Variants in HIVEP1 observed in about 807,000 individuals in gnomAD.
HIVEP1 encodes the protein HIVEP zinc finger 1.
Under a neutral mutation model 180.0 loss-of-function variants are expected in HIVEP1, and 36 were observed. That is an observed-to-expected ratio of 0.20 (90% confidence interval 0.15 to 0.26). The LOEUF (loss-of-function observed/expected upper bound fraction) is 0.26. Among genes scored for constraint, HIVEP1 ranks in the 10% least tolerant of loss-of-function variants. The pLI, the probability that HIVEP1 is intolerant of heterozygous loss-of-function variation, is 1.00. For missense variants in HIVEP1, 3,143 were observed against 3,268.7 expected (o/e 0.96, Z 0.94); for synonymous variants, 1,239 against 1,239.0 (o/e 1.00, Z 0.00).
At chr6:12,053,072 T>C (rs1770639551) in intron 2 of HIVEP1, among the ~76,000 whole-genome samples, 1 of 152,240 alleles carries the variant, frequency 6.6e-6, no homozygotes, top group Non-Finnish European at 1.5e-5. Flanking sequence ...GCTATAATTT[T>C]CTTCAAGATC....
chr6:12,153,655 T>A (rs13209918), intron 7 of HIVEP1, among the ~76,000 whole-genome samples: 38,387 of 148,040 alleles, frequency 0.26, 6,051 homozygotes, highest in Non-Finnish European at 0.35. Context: ...TAGGTTAGAG[T>A]GAATTGGGGT....
intron 2 of HIVEP1, among the ~76,000 whole-genome samples, chr6:12,029,648 C>T (rs941917490): frequency 1.3e-5 from 2 of 152,012 alleles, no homozygotes; most frequent in Non-Finnish European, 2.9e-5. Context: ...AGTATCACTG[C>T]CTACTTGAGA....
At chr6:12,089,499 C>G (rs1167321344) in intron 3 of HIVEP1, among the ~76,000 whole-genome samples, 1 of 151,974 alleles carries the variant, frequency 6.6e-6, no homozygotes, top group Non-Finnish European at 1.5e-5. Flanking sequence ...TTTGAAAGTC[C>G]TGTTTGTGAG....
intron 2 of HIVEP1, among the ~76,000 whole-genome samples, chr6:12,079,582 A>G (rs1226811240): frequency 2.6e-5 from 4 of 152,108 alleles, no homozygotes; most frequent in Non-Finnish European, 5.9e-5. Flanking sequence ...TTCTCCCTTA[A>G]CTACTTGCAT....
Position 12,161,738 on chromosome 6 carries a change from G to A in HIVEP1, c.6787G>A (p.Ala2263Thr), listed in dbSNP as rs1019240194. 6.2e-7 allele frequency: 1 copy of A among 1,614,176 alleles called. No homozygotes were observed. The highest frequency in any genetic ancestry group is 8.5e-7 in the Non-Finnish European group (1 of 1,180,018). ...LLTRMTVLSTAQSDYNRKTLS... is the reference protein window; with the variant it reads ...LLTRMTVLSTTQSDYNRKTLS... ...CACCAGAATGACTGTCCTGAGCACA[G>A]CACAGTCTGACTACAATAGGAAGAC... The change falls in exon 8 of 9, where the codon GCA becomes ACA. Residue 2263 changes from alanine to threonine, a missense_variant. Transcript: ENST00000379388.
the HIVEP1 span, among the ~76,000 whole-genome samples, chr6:12,197,489 G>A: frequency 6.7e-6 from 1 of 148,868 alleles, no homozygotes; most frequent in African/African-American, 2.5e-5. Context: ...AACCTGGGAG[G>A]TTGCAGTGAG....
chr6:12,163,806 T>C lies in HIVEP1; in HGVS notation c.7502T>C (p.Leu2501Pro), dbSNP rs1160516877. 1 of 1,614,194 alleles carries C rather than the reference T, an allele frequency of 6.2e-7. No individual in the cohort carries two copies. Among genetic ancestry groups the C allele is most frequent in the Admixed American group, 1.7e-5 (1 of 60,030 alleles). The change falls in exon 9 of 9, where the codon CTA becomes CCA. Residue 2501 changes from leucine to proline, a missense_variant. Coordinates refer to ENST00000379388, the MANE Select transcript of HIVEP1 (RefSeq NM_002114.4). ...ATGGAAACCGTCAATATTGTAGGCC[T>C]AGCCAATACAAATATGGCCCCACAA... ...LSMETVNIVG[L>P]ANTNMAPQVH...
At chr6:12,102,245 GCCAAGTAGA>G (rs1774154361) in intron 3 of HIVEP1, among the ~76,000 whole-genome samples, 1 of 152,132 alleles carries the variant, frequency 6.6e-6, no homozygotes, top group African/African-American at 2.4e-5. Flanking sequence ...AACACTGTAA[GCCAAGTAGA>G]CCTAAATACT....
intron 2 of HIVEP1, among the ~76,000 whole-genome samples, chr6:12,016,122 A>G (rs1767728088): frequency 6.6e-6 from 1 of 152,224 alleles, no homozygotes; most frequent in East Asian, 1.9e-4. Context: ...AATTGTAGGC[A>G]TTCACTCAGA....
intron 3 of HIVEP1, among the ~76,000 whole-genome samples, chr6:12,108,391 C>T (rs983683673): frequency 6.6e-6 from 1 of 152,256 alleles, no homozygotes; most frequent in African/African-American, 2.4e-5. Context: ...TGCGCCCGCA[C>T]TCTTCAGCCC....
chr6:12,046,508 C>T (rs1462855592), intron 2 of HIVEP1, among the ~76,000 whole-genome samples: 2 of 152,104 alleles, frequency 1.3e-5, no homozygotes, highest in South Asian at 2.1e-4. Flanking sequence ...TGGCCAGGTG[C>T]GGTGGCTCAC....
intron 2 of HIVEP1, among the ~76,000 whole-genome samples, chr6:12,036,781 G>T (rs942697321): frequency 6.6e-6 from 1 of 152,232 alleles, no homozygotes; most frequent in Non-Finnish European, 1.5e-5. Context: ...GGTGGCGCAC[G>T]CCTGTAATCC....
intron 3 of HIVEP1, among the ~76,000 whole-genome samples, chr6:12,095,910 A>G (rs531662901): frequency 6.6e-6 from 1 of 152,096 alleles, no homozygotes; most frequent in East Asian, 1.9e-4. Context: ...TTTCTGTTCT[A>G]ACTTACCTTT....
intron 2 of HIVEP1, among the ~76,000 whole-genome samples, chr6:12,078,707 A>AACACACACACACACACACACACACAC (rs1168274891): frequency 2.6e-5 from 3 of 114,110 alleles, no homozygotes; most frequent in Non-Finnish European, 7.0e-5. Flanking sequence ...CATATATATA[A>AACACACACACACACACACACACACAC]ACACACACAC....
At chr6:12,013,001 A>C (rs1399319107) in intron 1 of HIVEP1, among the ~76,000 whole-genome samples, 1 of 96,848 alleles carries the variant, frequency 1.0e-5, no homozygotes, top group Non-Finnish European at 2.1e-5. Context: ...GCAGTTGGGA[A>C]GGGGGCGGTG....
chr6:12,162,178 T>TA (rs1353804565), intron 8 of HIVEP1, among the ~76,000 whole-genome samples: 2 of 150,056 alleles, frequency 1.3e-5, no homozygotes, highest in African/African-American at 4.9e-5. Context: ...TCTTGAAAAA[T>TA]ACACCCATTT....
intron 7 of HIVEP1, among the ~76,000 whole-genome samples, chr6:12,138,457 GT>G (rs1758819463): frequency 6.6e-6 from 1 of 152,226 alleles, no homozygotes; most frequent in African/African-American, 2.4e-5. Flanking sequence ...GAGGGGACAA[GT>G]CAGAAGCCTG....
chr6:12,100,315 T>C (rs562067244), intron 3 of HIVEP1, among the ~76,000 whole-genome samples: 2 of 152,298 alleles, frequency 1.3e-5, no homozygotes, highest in African/African-American at 4.8e-5. Context: ...GTTAACAATT[T>C]ATAGCATTTT....
At chr6:12,153,664 G>A (rs891068830) in intron 7 of HIVEP1, among the ~76,000 whole-genome samples, 7 of 151,594 alleles carry the variant, frequency 4.6e-5, no homozygotes, top group African/African-American at 1.7e-4. Flanking sequence ...GTGAATTGGG[G>A]TGAAATTTCC....
Sources: gnomAD v4.1 joint callset for allele counts (sites outside exome capture counted in the v4.1 genomes callset) on GRCh38, gnomAD v4.1.1 for gene constraint, MANE v1.5 for transcripts, NCBI Gene and HGNC (gene_info 2026-07-23, HGNC 2026-07-21) for gene names.